The following CYP3A7 variants were observed in gnomAD, a reference collection of about 807,000 sequenced individuals.
CYP3A7 encodes cytochrome P450 family 3 subfamily A member 7.
In CYP3A7, 45 loss-of-function variants were observed where a neutral mutation model predicts 55.2. That is an observed-to-expected ratio of 0.82 (90% confidence interval 0.64 to 1.05). The LOEUF (loss-of-function observed/expected upper bound fraction) is 1.05, where lower values mean the gene tolerates loss of function less well. Ranked by LOEUF, CYP3A7 falls within the 50% of genes least tolerant of loss-of-function variation. The pLI, the probability that CYP3A7 is intolerant of heterozygous loss-of-function variation, is 0.00. For missense variants in CYP3A7, 548 were observed against 605.3 expected (o/e 0.91, Z 0.99); for synonymous variants, 180 against 207.4 (o/e 0.87, Z 1.13).
At chr7:99,731,376 T>C (rs1341314188) in intron 1 of CYP3A7, among the ~76,000 whole-genome samples, 1 of 152,236 alleles carries the variant, frequency 6.6e-6, no homozygotes, top group African/African-American at 2.4e-5. Flanking sequence ...TAAAAGCAGC[T>C]GAAGTCTTCA....
chr7:99,717,439 C>G (rs139268924), intron 5 of CYP3A7, 87 bp downstream of exon 5: 15 of 1,589,112 alleles, frequency 9.4e-6, no homozygotes, highest in Non-Finnish European at 1.3e-5. Context: ...GACTACTCCT[C>G]GGAAAGGAAC....
chr7:99,731,024 A>G (rs781071526), intron 2 of CYP3A7, 35 bp downstream of exon 2: 2 of 1,611,588 alleles, frequency 1.2e-6, no homozygotes, highest in Non-Finnish European at 1.7e-6. Context: ...CTTTGCAATC[A>G]TAAGAAGCAA....
chr7:99,729,401 G>A (rs1814538479), intron 2 of CYP3A7, among the ~76,000 whole-genome samples: 1 of 152,024 alleles, frequency 6.6e-6, no homozygotes, highest in South Asian at 2.1e-4. Flanking sequence ...AAGCAGCCCT[G>A]AGAAACATCA....
intron 4 of CYP3A7, among the ~76,000 whole-genome samples, chr7:99,718,200 C>A (rs1209686040): frequency 3.3e-5 from 5 of 151,876 alleles, no homozygotes; most frequent in Non-Finnish European, 7.4e-5. Context: ...TACAGCACAC[C>A]AACATGGCAC....
At chr7:99,716,304 T>C (rs1481677908) in intron 6 of CYP3A7, among the ~76,000 whole-genome samples, 2 of 152,102 alleles carry the variant, frequency 1.3e-5, no homozygotes, top group Admixed American at 1.3e-4. Flanking sequence ...ACAGGTGACA[T>C]TGCCTGACTA....
chr7:99,711,013 A>G, intron 9 of CYP3A7, 121 bp from the exon 10 acceptor site: 1 of 1,519,932 alleles, frequency 6.6e-7, no homozygotes, highest in Non-Finnish European at 8.9e-7. Flanking sequence ...AAAGCAATTC[A>G]GAGTCTCACT....
intron 7 of CYP3A7, 61 bp from the exon 8 acceptor site, chr7:99,714,743 A>T (rs1336336793): frequency 6.3e-7 from 1 of 1,588,660 alleles, no homozygotes; most frequent in East Asian, 2.3e-5. Context: ...ATTTACCTGG[A>T]GCAATTCTAA....
rs1171955868 is a variant in CYP3A7, at chr7:99,720,175, A to G, written c.318+138T>C. On this transcript the variant is annotated intron_variant, in intron 4 of 12. Transcript: ENST00000336374. Reference sequence around the variant, plus strand: ...TTATGCAAGATTGCAAGATGTTACCATGGGGGATGGGCAGGATGAAGTGTA... The same window carrying G: ...TTATGCAAGATTGCAAGATGTTACCGTGGGGGATGGGCAGGATGAAGTGTA... 2.0e-5 allele frequency: 21 copies of G among 1,033,914 alleles called. No individual in the cohort carries two copies. The East Asian group carries it at 5.3e-4, about 26-fold the overall frequency. The allele number at this position is 1,033,914 out of a possible 1,614,324, so 64.0% of individuals were successfully genotyped here. A position where few individuals can be genotyped will look rare whatever the true frequency, so the allele number is the denominator to read the frequency against.
intron 1 of CYP3A7, 136 bp from the exon 2 acceptor site, chr7:99,731,288 T>G: frequency 3.2e-6 from 3 of 949,606 alleles, no homozygotes; most frequent in Non-Finnish European, 4.8e-6. Context: ...ACAGTAACTC[T>G]GACGGCAATG....
intron 9 of CYP3A7, among the ~76,000 whole-genome samples, chr7:99,712,906 TAC>T (rs1440202270): frequency 1.3e-5 from 2 of 152,200 alleles, no homozygotes; most frequent in South Asian, 4.1e-4. Context: ...AAAGGATATT[TAC>T]ACAGTCTCAG....
chr7:99,708,987 T>A, intron 11 of CYP3A7, 48 bp downstream of exon 11: 1 of 1,598,654 alleles, frequency 6.3e-7, no homozygotes, highest in South Asian at 1.1e-5. Flanking sequence ...CAGAATATGC[T>A]TGAACCAGGC....
chr7:99,720,862 G>A (rs985693924), intron 3 of CYP3A7: 2 of 179,142 alleles, frequency 1.1e-5, no homozygotes, highest in African/African-American at 4.7e-5. Context: ...AAGGGCAGTT[G>A]CTGTGGGGCC....
chr7:99,722,384 T>G (rs1433592204), intron 2 of CYP3A7, 36 bp from the exon 3 acceptor site: 2 of 1,609,844 alleles, frequency 1.2e-6, no homozygotes, highest in Admixed American at 3.3e-5. Context: ...TCATTATTAT[T>G]TTAAGTGTAC....
intron 2 of CYP3A7, among the ~76,000 whole-genome samples, chr7:99,728,524 C>T (rs1814501957): frequency 6.6e-6 from 1 of 152,054 alleles, no homozygotes; most frequent in South Asian, 2.1e-4. Context: ...TTTGGCACTC[C>T]CTCTCATCTT....
At chr7:99,710,711 C>T in intron 10 of CYP3A7, 21 bp downstream of exon 10, 1 of 1,613,736 alleles carries the variant, frequency 6.2e-7, no homozygotes, top group Non-Finnish European at 8.5e-7. Flanking sequence ...CTCCCTCCTT[C>T]TCCATGTACT....
At chr7:99,734,112 A>G (rs531144900) in intron 1 of CYP3A7, among the ~76,000 whole-genome samples, 78 of 152,254 alleles carry the variant, frequency 5.1e-4, no homozygotes, top group Non-Finnish European at 8.7e-4. Context: ...TTTAAGCCAC[A>G]CCAATTCATG....
rs1584525439 is a variant in CYP3A7, at chr7:99,730,940, G to A, written c.165+119C>T. ...GCCACGCTCTGGGTGATGCCTACAC[G>A]CTATTTCTGAAAGTATAAAATCTCA... On this transcript the variant is annotated intron_variant, in intron 2 of 12. Transcript: ENST00000336374. 5 of 1,341,674 alleles carry A rather than the reference G, an allele frequency of 3.7e-6. No homozygotes were observed. The South Asian group carries it at 5.2e-5, about 14-fold the overall frequency. 83.1% of individuals were successfully genotyped at this position (1,341,674 alleles called of 1,614,324 possible).
chr7:99,714,766 A>C (rs768883426), intron 7 of CYP3A7, 84 bp from the exon 8 acceptor site: 5 of 1,571,044 alleles, frequency 3.2e-6, no homozygotes, highest in Non-Finnish European at 4.3e-6. Context: ...TTCTCTACCA[A>C]TCAGAAGAGT....
intron 2 of CYP3A7, among the ~76,000 whole-genome samples, chr7:99,724,628 C>T (rs535732539): frequency 6.6e-6 from 1 of 152,078 alleles, no homozygotes; most frequent in Non-Finnish European, 1.5e-5. Flanking sequence ...CTCCCCCACC[C>T]TATAATAGAA....
Sources: gnomAD v4.1 joint callset for allele counts (sites outside exome capture counted in the v4.1 genomes callset) on GRCh38, gnomAD v4.1.1 for gene constraint, MANE v1.5 for transcripts, NCBI Gene and HGNC (gene_info 2026-07-23, HGNC 2026-07-21) for gene names.